Variants in ATRX observed in about 807,000 individuals in gnomAD.
ATRX encodes chromatin remodeler ATRX.
In ATRX, 12 loss-of-function variants were observed where a neutral mutation model predicts 172.6. The ratio of observed to expected loss-of-function variants is 0.07; its 90% CI spans 0.04 to 0.11. The LOEUF (loss-of-function observed/expected upper bound fraction) is 0.11, where lower values mean the gene tolerates loss of function less well. ATRX is among the 10% of genes least tolerant of loss of function. The probability of loss-of-function intolerance (pLI) is 1.00; values close to 1 mark genes in which losing one functional copy is unlikely to be tolerated. For missense variants in ATRX, 1,368 were observed against 1,767.4 expected (o/e 0.77, Z 4.05); for synonymous variants, 674 against 594.7 (o/e 1.13, Z -1.94).
chrX:77,737,743 A>G (rs1455418191), intron 1 of ATRX, among the ~76,000 whole-genome samples: 3 of 110,552 alleles, frequency 2.7e-5, no homozygotes, highest in Non-Finnish European at 5.7e-5. Context: ...CTATGTACCC[A>G]CAATTTTATT....
chrX:77,750,966 T>G (rs952072372), intron 1 of ATRX, among the ~76,000 whole-genome samples: 2 of 112,080 alleles, frequency 1.8e-5, no homozygotes, highest in Non-Finnish European at 3.8e-5. Flanking sequence ...TCTTTGCTAT[T>G]GTAAATAGTG....
At chrX:77,646,723 C>T (rs1557113928) in intron 15 of ATRX, among the ~76,000 whole-genome samples, 1 of 110,479 alleles carries the variant, frequency 9.1e-6, no homozygotes, top group Admixed American at 9.7e-5. Flanking sequence ...GAGTTGGAGA[C>T]CAACCTGGGC....
chrX:77,661,764 TATAA>T (rs2069923417), intron 12 of ATRX, among the ~76,000 whole-genome samples: 1 of 110,885 alleles, frequency 9.0e-6, no homozygotes, highest in Non-Finnish European at 1.9e-5. Flanking sequence ...AACCTCAAAT[TATAA>T]ATAGAGACAC....
intron 30 of ATRX, among the ~76,000 whole-genome samples, chrX:77,530,610 A>AAACC (rs2063543287): frequency 1.7e-5 from 1 of 58,515 alleles, no homozygotes; most frequent in African/African-American, 6.1e-5. Flanking sequence ...CTCCGTCTCA[A>AAACC]AACAAACAAA....
intron 27 of ATRX, among the ~76,000 whole-genome samples, chrX:77,584,183 T>C (rs1358171488): frequency 2.7e-5 from 3 of 111,643 alleles, no homozygotes; most frequent in Non-Finnish European, 3.8e-5. Flanking sequence ...CACAAAATCA[T>C]AGAATGATAT....
intron 25 of ATRX, chrX:77,596,306 C>T (rs2066464342): frequency 9.0e-6 from 1 of 111,064 alleles, no homozygotes; most frequent in Non-Finnish European, 1.9e-5. Flanking sequence ...CCCCTTAATA[C>T]TTCCTATTCA....
intron 12 of ATRX, among the ~76,000 whole-genome samples, chrX:77,659,323 T>C (rs904005747): frequency 1.8e-5 from 2 of 111,400 alleles, no homozygotes; most frequent in Admixed American, 9.6e-5. Flanking sequence ...TGTAATTAAG[T>C]ATAATTTTAA....
chrX:77,580,439 T>C (rs1775500817), intron 27 of ATRX, among the ~76,000 whole-genome samples: 1 of 112,099 alleles, frequency 8.9e-6, no homozygotes. Flanking sequence ...TAACATACAA[T>C]GGATCTCCAA....
intron 26 of ATRX, among the ~76,000 whole-genome samples, chrX:77,592,370 G>GC (rs1403094405): frequency 5.3e-5 from 5 of 95,200 alleles, no homozygotes; most frequent in African/African-American, 2.0e-4. Context: ...CTGAGATTGC[G>GC]CCACTGCACT....
rs188598630 is a variant in ATRX, at chrX:77,699,103, A to G, written c.134-474T>C. Among the ~76,000 whole-genome samples, 941 of 111,184 alleles carry G rather than the reference A, an allele frequency of 8.5e-3. 10 individuals are homozygous for G. Among genetic ancestry groups the G allele is most frequent in the African/African-American group, 0.029 (874 of 30,624 alleles). ...AATAGAAAAGCAATAGAAAAAAAAA[A>G]TCAATAAAACCAAAGAGTAGTTCTT... On this transcript the variant is annotated intron_variant, in intron 2 of 34. Coordinates refer to ENST00000373344, the MANE Select transcript of ATRX (RefSeq NM_000489.6).
intron 1 of ATRX, among the ~76,000 whole-genome samples, chrX:77,734,161 C>T (rs1358336306): frequency 9.1e-6 from 1 of 110,165 alleles, no homozygotes; most frequent in East Asian, 2.8e-4. Flanking sequence ...GAGCCGAGAT[C>T]GTGCCAGTGC....
At chrX:77,707,159 T>C (rs1398828339) in intron 2 of ATRX, among the ~76,000 whole-genome samples, 1 of 111,455 alleles carries the variant, frequency 9.0e-6, no homozygotes, top group African/African-American at 3.3e-5. Context: ...GTTCCTAGAG[T>C]AGTCAAATTC....
intron 2 of ATRX, among the ~76,000 whole-genome samples, chrX:77,710,616 A>G (rs1187303992): frequency 2.7e-5 from 3 of 111,455 alleles, no homozygotes; most frequent in African/African-American, 9.8e-5. Context: ...CTGCAATTAA[A>G]AGGAAAGGAT....
At chrX:77,723,705 G>A (rs1557170741) in intron 1 of ATRX, among the ~76,000 whole-genome samples, 1 of 111,233 alleles carries the variant, frequency 9.0e-6, no homozygotes, top group Non-Finnish European at 1.9e-5. Context: ...TCAACTCACA[G>A]CACCCAAAAT....
rs782620911 is a variant in ATRX at position 77,682,110 on chromosome X, A to G, written c.3146T>C (p.Ile1049Thr). 1 of 1,209,036 alleles carries G rather than the reference A, an allele frequency of 8.3e-7. No homozygotes were observed. ...TTDGEKKSKK[I>T]RDKTSKKKDE... is the part of the protein sequence containing the mutation. ...CTTCTTTTTAGAAGTTTTATCTCTT[A>G]TTTTTTTACTTTTCTTTTCTCCATC... The change falls in exon 9 of 35, where the codon ATA (isoleucine) becomes ACA (threonine). Residue 1049 changes from isoleucine (I) to threonine (T), a missense_variant. Transcript: ENST00000373344.
At chrX:77,665,536 C>T (rs1337713638) in intron 10 of ATRX, among the ~76,000 whole-genome samples, 2 of 111,466 alleles carry the variant, frequency 1.8e-5, no homozygotes, top group African/African-American at 6.5e-5. Context: ...GACCAATTTG[C>T]TAATGGAAAA....
rs145847838 is a variant in ATRX at position 77,710,933 on chromosome X, AAC to A, written c.133+6196_133+6197del. Among the ~76,000 whole-genome samples the A allele has an allele frequency of 1.3e-3, 125 of 97,846 alleles. 1 individual carries two copies. The highest frequency in any genetic ancestry group is 5.2e-3 in the Middle Eastern group (1 of 191). 85.0% of individuals were successfully genotyped at this position (97,846 alleles called of 115,157 possible). A position where few individuals can be genotyped will look rare whatever the true frequency, so the allele number is the denominator to read the frequency against. On this transcript the variant is annotated intron_variant, in intron 2 of 34. Transcript: ENST00000373344. ...GTAAAAAAAAAATGTATAGAACTTT[AAC>A]ACACACACACACACACACACACACA...
At chrX:77,735,002 G>A (rs1339061245) in intron 1 of ATRX, among the ~76,000 whole-genome samples, 1 of 107,652 alleles carries the variant, frequency 9.3e-6, no homozygotes, top group Non-Finnish European at 1.9e-5. Flanking sequence ...TGAGGCAGGA[G>A]AACTGCTTGA....
chrX:77,683,744 A>G lies in ATRX; in HGVS notation c.1512T>C (p.Tyr504=). 4 of 1,210,951 alleles carry G rather than the reference A, an allele frequency of 3.3e-6. No homozygotes were observed. Among genetic ancestry groups the G allele is most frequent in the Non-Finnish European group, 4.5e-6 (4 of 894,923 alleles). The part of the protein sequence containing the change: ...KKSDRKEEPQ[Y]EPANTSEDLD... ...AATCTTCAGAAGTGTTGGCAGGTTC[A>G]TATTGAGGTTCTTCTTTTCTATCAG... is the stretch of plus-strand genomic sequence containing the variant. Residue 504 remains tyrosine (Y), a synonymous_variant, in exon 9 of 35, where the codon TAT becomes TAC. Coordinates refer to ENST00000373344, the MANE Select transcript of ATRX (RefSeq NM_000489.6).
Sources: allele counts gnomAD v4.1 joint callset (sites outside exome capture counted in the v4.1 genomes callset), GRCh38; gene constraint gnomAD v4.1.1; transcripts MANE v1.5; gene names NCBI Gene and HGNC (gene_info 2026-07-23, HGNC 2026-07-21).